Variants in RREB1 observed in about 807,000 individuals in gnomAD.
RREB1 encodes ras responsive element binding protein 1, also known as ras-responsive element-binding protein 1.
RREB1 carries 27 observed loss-of-function variants against 117.8 expected under a neutral mutation model. That is an observed-to-expected ratio of 0.23 (90% confidence interval 0.17 to 0.32). The LOEUF (loss-of-function observed/expected upper bound fraction) is 0.32, where lower values mean the gene tolerates loss of function less well. RREB1 is among the 10% of genes least tolerant of loss of function. RREB1 has a pLI of 1.00. For missense variants in RREB1, 2,577 were observed against 2,378.2 expected (o/e 1.08, Z -1.74); for synonymous variants, 1,298 against 1,026.7 (o/e 1.26, Z -5.05).
intron 8 of RREB1, chr6:7,218,903 C>T (rs1209556908): frequency 6.6e-6 from 1 of 151,382 alleles, no homozygotes; most frequent in Non-Finnish European, 1.5e-5. Context: ...ATATCTGTGC[C>T]CTGCCTAAAT....
chr6:7,149,254 T>C (rs949595907), intron 1 of RREB1, among the ~76,000 whole-genome samples: 1 of 152,132 alleles, frequency 6.6e-6, no homozygotes, highest in Non-Finnish European at 1.5e-5. Flanking sequence ...GAATTGTGCA[T>C]ATTTATCACC....
At chr6:7,121,383 A>G (rs1250240457) in intron 1 of RREB1, among the ~76,000 whole-genome samples, 4 of 152,212 alleles carry the variant, frequency 2.6e-5, no homozygotes, top group East Asian at 3.8e-4. Context: ...CAGTGGCTCA[A>G]ACCTTTTACT....
rs1217106352 is a variant in RREB1 at position 7,230,183 on chromosome 6, G to A, written c.2084G>A (p.Gly695Glu). The change falls in exon 10 of 13, where the codon GGG (glycine) becomes GAG (glutamate). Residue 695 changes from glycine to glutamate, a missense_variant. Transcript: ENST00000379938. ...ATCCGCCACCTGCGCACGCACAGTG[G>A]GGAGCGGCCCTACATTTGCAAGATC... ...ALIRHLRTHSGERPYICKICH... is the reference protein window; with the variant it reads ...ALIRHLRTHSEERPYICKICH... 1.2e-6 allele frequency: 2 copies of A among 1,606,708 alleles called. No individual in the cohort carries two copies. Among genetic ancestry groups the A allele is most frequent in the Non-Finnish European group, 8.5e-7 (1 of 1,179,928 alleles).
intron 1 of RREB1, among the ~76,000 whole-genome samples, chr6:7,163,812 G>A (rs1763790025): frequency 6.6e-6 from 1 of 152,244 alleles, no homozygotes; most frequent in South Asian, 2.1e-4. Context: ...CATCTTCAAG[G>A]ACTTTGAAAA....
intron 1 of RREB1, among the ~76,000 whole-genome samples, chr6:7,157,170 G>A (rs927695091): frequency 1.3e-5 from 2 of 152,174 alleles, no homozygotes; most frequent in African/African-American, 2.4e-5. Context: ...GGTGGCTCAC[G>A]TCTGAAATCC....
At chr6:7,137,938 C>G (rs1332488008) in intron 1 of RREB1, among the ~76,000 whole-genome samples, 2 of 152,124 alleles carry the variant, frequency 1.3e-5, no homozygotes, top group African/African-American at 4.8e-5. Flanking sequence ...CAAGGGTACC[C>G]AGTCTAACTG....
chr6:7,115,102 A>C (rs557434184), intron 1 of RREB1, among the ~76,000 whole-genome samples: 1 of 152,094 alleles, frequency 6.6e-6, no homozygotes, highest in Admixed American at 6.5e-5. Flanking sequence ...ATTCTTACAT[A>C]ACCGTCTGCC....
chr6:7,231,100 C>A lies in RREB1; in HGVS notation c.3001C>A (p.Pro1001Thr), dbSNP rs1357486900. The part of the protein sequence containing the change: ...SPMAPAPAAT[P>T]EPPAQPLQGP... ...CATGGCCCCTGCTCCGGCGGCCACC[C>A]CGGAACCCCCAGCACAGCCCCTGCA... The change falls in exon 10 of 13, where the codon CCG (proline) becomes ACG (threonine). Residue 1001 changes from proline to threonine, a missense_variant. By Grantham distance (38) the Pro-to-Thr change is conservative. Transcript: ENST00000379938. 1 of 1,613,096 alleles carries A rather than the reference C, an allele frequency of 6.2e-7. No individual in the cohort carries two copies. Among genetic ancestry groups the A allele is most frequent in the South Asian group, 1.1e-5 (1 of 91,076 alleles).
chr6:7,134,949 T>C (rs1762290243), intron 1 of RREB1, among the ~76,000 whole-genome samples: 1 of 152,206 alleles, frequency 6.6e-6, no homozygotes, highest in South Asian at 2.1e-4. Flanking sequence ...GCCCTTGATA[T>C]CACCTCATTT....
At chr6:7,144,263 T>C (rs773265016) in intron 1 of RREB1, among the ~76,000 whole-genome samples, 16 of 152,226 alleles carry the variant, frequency 1.1e-4, no homozygotes, top group Non-Finnish European at 2.1e-4. Context: ...GTTATAGATA[T>C]GTTAGCTTGA....
chr6:7,243,688 G>GC (rs929213927), intron 11 of RREB1, among the ~76,000 whole-genome samples: 1 of 152,166 alleles, frequency 6.6e-6, no homozygotes, highest in Non-Finnish European at 1.5e-5. Context: ...ATACAACCAA[G>GC]CCCCCTGTGT....
At chr6:7,142,924 G>A (rs1289748298) in intron 1 of RREB1, among the ~76,000 whole-genome samples, 2 of 152,204 alleles carry the variant, frequency 1.3e-5, no homozygotes, top group Non-Finnish European at 2.9e-5. Flanking sequence ...AGGTTCTGGT[G>A]GAGCATGAAC....
At chr6:7,169,816 G>A (rs1215405331) in intron 1 of RREB1, among the ~76,000 whole-genome samples, 3 of 152,244 alleles carry the variant, frequency 2.0e-5, no homozygotes, top group South Asian at 2.1e-4. Flanking sequence ...GGTACCACAG[G>A]ATGGTTTTAT....
intron 1 of RREB1, among the ~76,000 whole-genome samples, chr6:7,145,054 ATCTG>A (rs1762798201): frequency 6.6e-6 from 1 of 152,246 alleles, no homozygotes; most frequent in Non-Finnish European, 1.5e-5. Context: ...AGAGGGGAAG[ATCTG>A]TCTTTTTATG....
At chr6:7,132,274 C>T (rs1160175179) in intron 1 of RREB1, among the ~76,000 whole-genome samples, 2 of 152,034 alleles carry the variant, frequency 1.3e-5, no homozygotes, top group African/African-American at 2.4e-5. Context: ...AGGCTGGACT[C>T]GAACTCCTGA....
Position 7,173,229 on chromosome 6 carries a change from C to T in RREB1, c.-284-3426C>T, listed in dbSNP as rs188678817. Among the ~76,000 whole-genome samples, 284 of 152,204 alleles carry T rather than the reference C, an allele frequency of 1.9e-3. 2 individuals carry two copies. The highest frequency in any genetic ancestry group is 6.5e-3 in the African/African-American group (271 of 41,514). ...GGCATCTAAACTTATTCCACATTTC[C>T]TGGGGGCCTTAGGACAGAGTTTAGA... On this transcript the variant is annotated intron_variant, in intron 1 of 12. Coordinates refer to ENST00000379938, the MANE Select transcript of RREB1 (RefSeq NM_001003699.4).
intron 6 of RREB1, among the ~76,000 whole-genome samples, chr6:7,190,707 T>TA (rs11440075): frequency 0.03 from 4,617 of 152,350 alleles, 239 homozygotes; most frequent in African/African-American, 0.1. Flanking sequence ...TTTATTTTTT[T>TA]ACCACCATGT....
intron 6 of RREB1, among the ~76,000 whole-genome samples, chr6:7,193,349 T>C (rs1206051725): frequency 1.3e-5 from 2 of 152,230 alleles, no homozygotes; most frequent in African/African-American, 4.8e-5. Context: ...TTGGGTCTAG[T>C]AGGTTTATAG....
intron 8 of RREB1, among the ~76,000 whole-genome samples, chr6:7,222,344 C>A (rs1033944035): frequency 6.6e-6 from 1 of 152,096 alleles, no homozygotes; most frequent in African/African-American, 2.4e-5. Context: ...TATCTCTTGG[C>A]ATGTTTGGGA....
Sources: allele counts gnomAD v4.1 joint callset (sites outside exome capture counted in the v4.1 genomes callset), GRCh38; gene constraint gnomAD v4.1.1; transcripts MANE v1.5; gene names NCBI Gene and HGNC (gene_info 2026-07-23, HGNC 2026-07-21).